Variants in ADGRG6 observed in about 807,000 individuals in gnomAD.
ADGRG6 encodes the protein adhesion G protein-coupled receptor G6, also known as G-protein coupled receptor 126.
A neutral mutation model predicts 142.4 loss-of-function variants in ADGRG6; 84 were observed. That is an observed-to-expected ratio of 0.59 (90% CI 0.49 to 0.71). ADGRG6 has a LOEUF of 0.71. ADGRG6 is among the 30% of genes least tolerant of loss of function. ADGRG6 has a pLI of 0.00. For missense variants in ADGRG6, 1,367 were observed against 1,466.6 expected (o/e 0.93, Z 1.11); for synonymous variants, 521 against 520.5 (o/e 1.00, Z -0.01).
intron 22 of ADGRG6, among the ~76,000 whole-genome samples, chr6:142,428,625 T>G (rs1777068961): frequency 6.6e-6 from 1 of 152,092 alleles, no homozygotes; most frequent in African/African-American, 2.4e-5. Flanking sequence ...AGCAGGCACA[T>G]CTTACATGGT....
At chr6:142,356,773 G>A (rs1780467318) in intron 2 of ADGRG6, among the ~76,000 whole-genome samples, 1 of 152,144 alleles carries the variant, frequency 6.6e-6, no homozygotes, top group African/African-American at 2.4e-5. Flanking sequence ...TAATGGAGGA[G>A]CCAAGACCAG....
At chr6:142,302,360 CT>C (rs1216371131) in intron 1 of ADGRG6, 29 bp downstream of exon 1, 1 of 1,611,412 alleles carries the variant, frequency 6.2e-7, no homozygotes, top group South Asian at 1.1e-5. Context: ...CTTGGAATTC[CT>C]TCACTCTTTT....
intron 22 of ADGRG6, among the ~76,000 whole-genome samples, chr6:142,426,787 C>T (rs529173659): frequency 3.2e-4 from 48 of 152,300 alleles, no homozygotes; most frequent in Non-Finnish European, 4.7e-4. Context: ...GTTCCCAAAC[C>T]TCAATTCTTG....
chr6:142,382,499 G>A (rs1422214697), intron 5 of ADGRG6, among the ~76,000 whole-genome samples: 2 of 152,140 alleles, frequency 1.3e-5, no homozygotes, highest in African/African-American at 2.4e-5. Context: ...TGGTTATAGT[G>A]AACTAATGTT....
intron 3 of ADGRG6, among the ~76,000 whole-genome samples, chr6:142,368,268 G>C (rs1488631152): frequency 6.6e-6 from 1 of 151,986 alleles, no homozygotes; most frequent in African/African-American, 2.4e-5. Flanking sequence ...TTTTATTTTG[G>C]GTTTTATGAT....
intron 22 of ADGRG6, among the ~76,000 whole-genome samples, chr6:142,429,433 G>T (rs1350850233): frequency 6.6e-6 from 1 of 152,154 alleles, no homozygotes; most frequent in African/African-American, 2.4e-5. Context: ...CAGCTGCAAG[G>T]AAATAAATTA....
At chr6:142,362,365 G>A (rs184582389) in intron 2 of ADGRG6, among the ~76,000 whole-genome samples, 3 of 152,144 alleles carry the variant, frequency 2.0e-5, no homozygotes, top group Non-Finnish European at 4.4e-5. Context: ...ACAATTATCC[G>A]GTTTACTCAG....
chr6:142,323,119 ATTTT>A (rs35025773), intron 2 of ADGRG6, among the ~76,000 whole-genome samples: 1 of 143,034 alleles, frequency 7.0e-6, no homozygotes. Context: ...AATGTCACTT[ATTTT>A]TTTTTTTTTT....
At chr6:142,320,450 A>G (rs112355176) in intron 2 of ADGRG6, among the ~76,000 whole-genome samples, 1 of 152,118 alleles carries the variant, frequency 6.6e-6, no homozygotes, top group Non-Finnish European at 1.5e-5. Context: ...TAGCACTGCT[A>G]ACTTGACTCT....
At chr6:142,411,760 A>G (rs1776100288) in intron 18 of ADGRG6, among the ~76,000 whole-genome samples, 1 of 152,116 alleles carries the variant, frequency 6.6e-6, no homozygotes, top group Admixed American at 6.6e-5. Context: ...GAGAAAGTTA[A>G]AGAAGAAAAT....
chr6:142,441,436 C>G (rs1314611097), intron 24 of ADGRG6, among the ~76,000 whole-genome samples: 1 of 152,110 alleles, frequency 6.6e-6, no homozygotes, highest in East Asian at 1.9e-4. Context: ...TCCCTAGCCC[C>G]TGGTTTTCAG....
At chr6:142,361,260 C>T (rs150277621) in intron 2 of ADGRG6, among the ~76,000 whole-genome samples, 4 of 152,252 alleles carry the variant, frequency 2.6e-5, no homozygotes, top group Non-Finnish European at 5.9e-5. Context: ...TTGTAGTAAA[C>T]TGTTATTTAA....
chr6:142,364,913 T>G (rs538628140), intron 2 of ADGRG6, among the ~76,000 whole-genome samples: 1 of 152,258 alleles, frequency 6.6e-6, no homozygotes, highest in African/African-American at 2.4e-5. Context: ...TCTTCAGGTC[T>G]TAGGGAAGAA....
chr6:142,328,444 T>C (rs1023873775), intron 2 of ADGRG6, among the ~76,000 whole-genome samples: 2 of 152,140 alleles, frequency 1.3e-5, no homozygotes, highest in African/African-American at 2.4e-5. Context: ...TCAAGTGATC[T>C]TCCCACCTTG....
chr6:142,364,995 T>C (rs945781366), intron 2 of ADGRG6, among the ~76,000 whole-genome samples: 1 of 152,196 alleles, frequency 6.6e-6, no homozygotes, highest in African/African-American at 2.4e-5. Context: ...AAGGATGGCA[T>C]CTCTTCTTGG....
At chr6:142,382,135 A>C in intron 5 of ADGRG6, 116 bp downstream of exon 5, 1 of 661,932 alleles carries the variant, frequency 1.5e-6, no homozygotes, top group South Asian at 1.8e-5. Context: ...GCCAGAAAAC[A>C]GCAAAACAGA....
At chr6:142,430,156 A>T (rs981228836) in intron 22 of ADGRG6, among the ~76,000 whole-genome samples, 1 of 152,212 alleles carries the variant, frequency 6.6e-6, no homozygotes, top group Non-Finnish European at 1.5e-5. Context: ...GCCATCTCAC[A>T]TCCCTGAAGT....
intron 2 of ADGRG6, among the ~76,000 whole-genome samples, chr6:142,332,957 G>C (rs1378316630): frequency 6.6e-6 from 1 of 152,136 alleles, no homozygotes; most frequent in Non-Finnish European, 1.5e-5. Flanking sequence ...AGTACACTAG[G>C]AAATATACTG....
At chr6:142,420,212 A>C (rs1055081371) in intron 22 of ADGRG6, 108 bp downstream of exon 22, 1 of 815,494 alleles carries the variant, frequency 1.2e-6, no homozygotes, top group Non-Finnish European at 2.0e-6. Flanking sequence ...CACTATTTCA[A>C]GTGCTGAATA....
Sources: allele counts gnomAD v4.1 joint callset (sites outside exome capture counted in the v4.1 genomes callset), GRCh38; gene constraint gnomAD v4.1.1; transcripts MANE v1.5; gene names NCBI Gene and HGNC (gene_info 2026-07-23, HGNC 2026-07-21).